Variants in PPP2R3C observed in about 807,000 individuals in gnomAD.
The protein encoded by PPP2R3C is protein phosphatase 2 regulatory subunit B''gamma, also known as serine/threonine-protein phosphatase 2A regulatory subunit B'' subunit gamma.
In PPP2R3C, 47 loss-of-function variants were observed where a neutral mutation model predicts 63.7. The observed-to-expected ratio is 0.74, with a 90% CI of 0.58 to 0.94. The LOEUF (loss-of-function observed/expected upper bound fraction) is 0.94. PPP2R3C is among the 40% of genes least tolerant of loss of function. PPP2R3C has a pLI of 0.00. For missense variants in PPP2R3C, 421 were observed against 518.4 expected (o/e 0.81, Z 1.82); for synonymous variants, 180 against 177.4 (o/e 1.01, Z -0.12).
chr14:35,116,775 T>C, intron 1 of PPP2R3C, 38 bp from the exon 2 acceptor site: 1 of 1,495,288 alleles, frequency 6.7e-7, no homozygotes, highest in Middle Eastern at 2.4e-4. Flanking sequence ...ACTTTTAAAA[T>C]CAAGCAGTAC....
chr14:35,104,461 T>A (rs2046287009), intron 6 of PPP2R3C, among the ~76,000 whole-genome samples: 1 of 152,198 alleles, frequency 6.6e-6, no homozygotes, highest in Non-Finnish European at 1.5e-5. Flanking sequence ...TAACCTAGTT[T>A]ATATTCATGC....
intron 4 of PPP2R3C, among the ~76,000 whole-genome samples, chr14:35,109,090 C>T (rs1169327021): frequency 6.6e-6 from 1 of 151,212 alleles, no homozygotes; most frequent in East Asian, 1.9e-4. Flanking sequence ...TGGAGTCTTG[C>T]TCTTTTGCCA....
At chr14:35,097,649 A>G (rs542618072) in intron 7 of PPP2R3C, among the ~76,000 whole-genome samples, 1 of 151,630 alleles carries the variant, frequency 6.6e-6, no homozygotes, top group Non-Finnish European at 1.5e-5. Flanking sequence ...CATCCAGCTA[A>G]TTTTTTCTAT....
intron 1 of PPP2R3C, among the ~76,000 whole-genome samples, chr14:35,118,715 G>A (rs941517297): frequency 3.4e-5 from 5 of 148,872 alleles, no homozygotes; most frequent in Admixed American, 1.3e-4. Context: ...GGGCAGTGGC[G>A]CGATCTTGGC....
chr14:35,114,086 G>A (rs1363867075), intron 2 of PPP2R3C, among the ~76,000 whole-genome samples: 3 of 151,870 alleles, frequency 2.0e-5, no homozygotes, highest in Admixed American at 6.6e-5. Flanking sequence ...CTCTCCCCTC[G>A]GCTATCAAAA....
chr14:35,089,195 C>T (rs942473176), intron 11 of PPP2R3C, among the ~76,000 whole-genome samples: 11 of 152,174 alleles, frequency 7.2e-5, no homozygotes, highest in Middle Eastern at 6.8e-3. Context: ...CTTGACCTCC[C>T]GGACTCTAGT....
At chr14:35,108,764 A>G (rs1043217279) in intron 4 of PPP2R3C, among the ~76,000 whole-genome samples, 2 of 151,702 alleles carry the variant, frequency 1.3e-5, no homozygotes, top group Admixed American at 6.6e-5. Flanking sequence ...GCAAGACTCC[A>G]TCTCAAAAAA....
chr14:35,105,050 A>T (rs1005556215), intron 6 of PPP2R3C, among the ~76,000 whole-genome samples: 2 of 142,882 alleles, frequency 1.4e-5, no homozygotes, highest in Non-Finnish European at 1.5e-5. Context: ...ATATTTTCTT[A>T]AAAAAAAAAA....
chr14:35,093,286 GT>G (rs1424586130), intron 10 of PPP2R3C, among the ~76,000 whole-genome samples: 1 of 151,936 alleles, frequency 6.6e-6, no homozygotes, highest in Non-Finnish European at 1.5e-5. Flanking sequence ...GTAAAAAGTA[GT>G]AATTGGGAGG....
intron 9 of PPP2R3C, among the ~76,000 whole-genome samples, chr14:35,095,878 A>C (rs1480745528): frequency 6.7e-6 from 1 of 149,920 alleles, no homozygotes; most frequent in African/African-American, 2.5e-5. Context: ...AAAAAAGCCA[A>C]AGGAGTCAAA....
chr14:35,101,460 T>C (rs2046188459), intron 6 of PPP2R3C: 1 of 152,200 alleles, frequency 6.6e-6, no homozygotes, highest in South Asian at 2.1e-4. Context: ...AAAAATATCT[T>C]CTTTCAACTT....
At chr14:35,090,662 T>A (rs2045778519) in intron 11 of PPP2R3C, among the ~76,000 whole-genome samples, 1 of 152,228 alleles carries the variant, frequency 6.6e-6, no homozygotes, top group African/African-American at 2.4e-5. Flanking sequence ...AGTATATGCA[T>A]TCAATACTAT....
At chr14:35,092,879 T>A (rs1260403929) in intron 10 of PPP2R3C, among the ~76,000 whole-genome samples, 1 of 152,168 alleles carries the variant, frequency 6.6e-6, no homozygotes, top group East Asian at 1.9e-4. Flanking sequence ...GAGCTGACAC[T>A]GCTCTCATCC....
chr14:35,121,742 T>C (rs2046903869), intron 1 of PPP2R3C, 160 bp downstream of exon 1: 2 of 776,236 alleles, frequency 2.6e-6, no homozygotes, highest in South Asian at 1.8e-5. Context: ...GGGTCAAACC[T>C]ATCGGGATCC....
At chr14:35,116,256 T>C (rs2046706712) in intron 2 of PPP2R3C, among the ~76,000 whole-genome samples, 1 of 152,068 alleles carries the variant, frequency 6.6e-6, no homozygotes, top group Admixed American at 6.6e-5. Context: ...CTACTTTTTT[T>C]TCTGGGGGTG....
intron 1 of PPP2R3C, among the ~76,000 whole-genome samples, chr14:35,118,705 G>A (rs187373560): frequency 1.9e-4 from 29 of 149,074 alleles, no homozygotes; most frequent in Non-Finnish European, 3.0e-4. Context: ...CCAGGCTGGA[G>A]GGCAGTGGCG....
At chr14:35,107,272 G>A (rs911679562) in intron 6 of PPP2R3C, 32 bp downstream of exon 6, 1 of 1,502,906 alleles carries the variant, frequency 6.7e-7, no homozygotes, top group African/African-American at 1.4e-5. Context: ...GTCTATAAGA[G>A]TTAATATAAT....
intron 2 of PPP2R3C, among the ~76,000 whole-genome samples, chr14:35,111,463 G>A (rs1399662506): frequency 2.0e-5 from 3 of 152,192 alleles, no homozygotes; most frequent in Non-Finnish European, 4.4e-5. Flanking sequence ...TTTAGTTTAT[G>A]ATTTAAATGA....
chr14:35,091,018 C>T, intron 11 of PPP2R3C, 52 bp downstream of exon 11: 1 of 1,516,238 alleles, frequency 6.6e-7, no homozygotes, highest in Non-Finnish European at 9.0e-7. Flanking sequence ...CCGGCAGCAA[C>T]AAAATGATAT....
Sources: allele counts gnomAD v4.1 joint callset (sites outside exome capture counted in the v4.1 genomes callset), GRCh38; gene constraint gnomAD v4.1.1; transcripts MANE v1.5; gene names NCBI Gene and HGNC (gene_info 2026-07-23, HGNC 2026-07-21).